The following EFR3B variants were observed in gnomAD, a reference collection of about 807,000 sequenced individuals.
EFR3B encodes the protein protein EFR3 homolog B.
Under a neutral mutation model 104.7 loss-of-function variants are expected in EFR3B, and 64 were observed. That is an observed-to-expected ratio of 0.61 (90% CI 0.50 to 0.75). EFR3B has a LOEUF of 0.75. Ranked by LOEUF, EFR3B falls within the 30% of genes least tolerant of loss-of-function variation. EFR3B has a pLI of 0.00. For synonymous variants in EFR3B, 385 were observed against 417.9 expected, an observed-to-expected ratio of 0.92 and a Z score of 0.96; for missense variants, 750 against 1,078.5, an observed-to-expected ratio of 0.70 and a Z score of 4.27.
rs1231697991 is a variant in EFR3B at position 25,154,476 on chromosome 2, C to G, written c.*136C>G. The stretch of plus-strand genomic sequence containing the variant: ...AGATGGCAGCGCCTCCCAGGCTAAG[C>G]CAAGGTGGAGACTCTCTGGTCCTTC... On this transcript the variant is annotated 3_prime_UTR_variant, in exon 23 of 23. Coordinates refer to ENST00000403714, the MANE Select transcript of EFR3B (RefSeq NM_014971.2). This position sits in a 1 kb window ranked among gnomAD's most constrained non-coding sequence, Gnocchi z 4.1. 2 of 779,580 alleles carry G rather than the reference C, an allele frequency of 2.6e-6. No homozygotes were observed. Among genetic ancestry groups the G allele is most frequent in the African/African-American group, 1.8e-5 (1 of 57,134 alleles). 48.3% of individuals were successfully genotyped at this position (779,580 alleles called of 1,614,324 possible). A position where few individuals can be genotyped will look rare whatever the true frequency, so the allele number is the denominator to read the frequency against.
At chr2:25,123,564 G>A (rs1230146907) in intron 5 of EFR3B, among the ~76,000 whole-genome samples, 1 of 152,144 alleles carries the variant, frequency 6.6e-6, no homozygotes, top group East Asian at 1.9e-4. Context: ...GGTATGGGAG[G>A]AAGGAGCCCC....
At chr2:25,120,954 C>T (rs112433954) in intron 4 of EFR3B, among the ~76,000 whole-genome samples, 50,139 of 151,880 alleles carry the variant, frequency 0.33, 9,148 homozygotes, top group East Asian at 0.53. Flanking sequence ...CAGGCTGGAG[C>T]GCAGTGGTGT....
At chr2:25,122,465 A>G (rs1057275561) in intron 5 of EFR3B, among the ~76,000 whole-genome samples, 3 of 152,040 alleles carry the variant, frequency 2.0e-5, no homozygotes, top group Non-Finnish European at 2.9e-5. Context: ...TTAACCATCA[A>G]AATCTACACC....
intron 5 of EFR3B, among the ~76,000 whole-genome samples, chr2:25,123,657 G>A (rs528842175): frequency 6.1e-4 from 93 of 152,350 alleles, no homozygotes; most frequent in African/African-American, 2.1e-3. Flanking sequence ...AGCTGTGGGG[G>A]CATGTCCAGA....
intron 4 of EFR3B, among the ~76,000 whole-genome samples, chr2:25,119,804 G>A (rs1347573236): frequency 6.6e-6 from 1 of 152,036 alleles, no homozygotes; most frequent in Non-Finnish European, 1.5e-5. Context: ...TGATGTTTGT[G>A]GAAGCTGCTA....
At chr2:25,068,020 A>G (rs1228862821) in intron 1 of EFR3B, among the ~76,000 whole-genome samples, 10 of 152,016 alleles carry the variant, frequency 6.6e-5, no homozygotes, top group Admixed American at 3.3e-4. Context: ...GCTGTTTCCA[A>G]ACAAAGGCAC....
intron 1 of EFR3B, among the ~76,000 whole-genome samples, chr2:25,078,300 G>A (rs926792167): frequency 6.6e-6 from 1 of 152,186 alleles, no homozygotes; most frequent in African/African-American, 2.4e-5. Context: ...CATTTGAAGC[G>A]GGTGTCCATG....
intron 2 of EFR3B, among the ~76,000 whole-genome samples, chr2:25,092,260 G>A (rs1573196619): frequency 6.6e-6 from 1 of 151,518 alleles, no homozygotes; most frequent in Non-Finnish European, 1.5e-5. Context: ...AGCAGAGACG[G>A]GATTTCACCA....
Position 25,069,348 on chromosome 2 carries a change from C to G in EFR3B, c.8-21977C>G, listed in dbSNP as rs543179674. Among the ~76,000 whole-genome samples, 4 of 152,276 alleles carry G rather than the reference C, an allele frequency of 2.6e-5. No homozygotes were observed. In the East Asian group the frequency reaches 7.7e-4, roughly 29 times the overall value. ...GTATCTTGTCTGATGCTTTTTTCCC[C>G]TCTTCCTGATTTCAAACCATGCTAA... On this transcript the variant is annotated intron_variant, in intron 1 of 22. Transcript: ENST00000403714.
chr2:25,122,920 T>C (rs1670061035), intron 5 of EFR3B, among the ~76,000 whole-genome samples: 6 of 152,174 alleles, frequency 3.9e-5, no homozygotes, highest in Admixed American at 3.3e-4. Flanking sequence ...GACAAATTCT[T>C]GTTGAGTGAA....
At chr2:25,143,228 A>G (rs1280696975) in intron 17 of EFR3B, among the ~76,000 whole-genome samples, 1 of 152,214 alleles carries the variant, frequency 6.6e-6, no homozygotes, top group African/African-American at 2.4e-5. Context: ...AGAAAAAAAA[A>G]AGTGACTGAA....
At chr2:25,116,303 C>T (rs1008656887) in intron 4 of EFR3B, among the ~76,000 whole-genome samples, 1 of 152,054 alleles carries the variant, frequency 6.6e-6, no homozygotes, top group Non-Finnish European at 1.5e-5. Flanking sequence ...TATTCATGTT[C>T]CTAGGAGGTG....
rs1162713306 is a variant in EFR3B at position 25,138,874 on chromosome 2, C to T, written c.1723-185C>T. 2.0e-5 allele frequency among the ~76,000 whole-genome samples: 3 copies of T among 152,166 alleles called. No homozygotes were observed. The South Asian group carries it at 6.2e-4, about 31-fold the overall frequency. On this transcript the variant is annotated intron_variant, in intron 15 of 22. Coordinates refer to ENST00000403714, the MANE Select transcript of EFR3B (RefSeq NM_014971.2). The stretch of plus-strand genomic sequence containing the variant: ...CAGTTCACGGACTGTTCTAGGGACC[C>T]CTCCCTTCAGCTTTAATGAAGGTGA...
At chr2:25,149,153 A>T in intron 19 of EFR3B, among the ~76,000 whole-genome samples, 1 of 151,962 alleles carries the variant, frequency 6.6e-6, no homozygotes, top group Non-Finnish European at 1.5e-5. Context: ...GTTCGGGACC[A>T]GCCTGACCAA....
Position 25,130,128 on chromosome 2 carries a change from TGCCTTGGCCCCA to T in EFR3B, c.770+25_770+36del. 1 of 1,551,802 alleles carries T rather than the reference TGCCTTGGCCCCA, an allele frequency of 6.4e-7. No individual in the cohort carries two copies. Among genetic ancestry groups the T allele is most frequent in the Non-Finnish European group, 8.7e-7 (1 of 1,146,980 alleles). On this transcript the variant is annotated intron_variant, in intron 7 of 22. Transcript: ENST00000403714. This position sits in a 1 kb window ranked among gnomAD's most constrained non-coding sequence, Gnocchi z 4.6. ...TTCTCATGTGAGTGCCCCCACCCAC[TGCCTTGGCCCCA>T]GCCTTCAGCCTGGATGTGTTTCAGG...
intron 16 of EFR3B, among the ~76,000 whole-genome samples, chr2:25,139,710 C>T (rs1178517451): frequency 6.6e-6 from 1 of 152,218 alleles, no homozygotes; most frequent in Non-Finnish European, 1.5e-5. Context: ...CCATTTGCTT[C>T]ATCTGTCTCC....
Position 25,126,355 on chromosome 2 carries a change from ATTTC to A in EFR3B, c.486-1820_486-1817del, listed in dbSNP as rs1433271003. On this transcript the variant is annotated intron_variant, in intron 5 of 22. Coordinates refer to ENST00000403714, the MANE Select transcript of EFR3B (RefSeq NM_014971.2). ...AGGTGCGCACCACCATACCTGGCTA[ATTTC>A]TTTCTTTTTTTTTTTTTTGAGACAG... Among the ~76,000 whole-genome samples the A allele has an allele frequency of 1.4e-4, 21 of 150,378 alleles. 1 individual carries two copies. In the East Asian group the frequency reaches 4.1e-3, roughly 29 times the overall value.
chr2:25,133,544 A>G, intron 12 of EFR3B, 110 bp downstream of exon 12: 1 of 1,156,214 alleles, frequency 8.6e-7, no homozygotes, highest in Admixed American at 2.0e-5. Flanking sequence ...TACTGCACAA[A>G]TACACCCAGT....
intron 3 of EFR3B, among the ~76,000 whole-genome samples, chr2:25,100,277 A>C (rs1383586248): frequency 6.6e-6 from 1 of 152,214 alleles, no homozygotes; most frequent in African/African-American, 2.4e-5. Context: ...GACATAAAGA[A>C]GAACGAATCT....
Sources: gnomAD v4.1 joint callset for allele counts (sites outside exome capture counted in the v4.1 genomes callset) on GRCh38, gnomAD v4.1.1 for gene constraint, Gnocchi (gnomAD v3.1) non-coding constraint, MANE v1.5 for transcripts, NCBI Gene and HGNC (gene_info 2026-07-23, HGNC 2026-07-21) for gene names.